TGFA: variants seen among roughly 807,000 people sequenced by gnomAD.
TGFA encodes protransforming growth factor alpha.
A neutral mutation model predicts 21.7 loss-of-function variants in TGFA; 12 were observed. The ratio of observed to expected loss-of-function variants is 0.55; its 90% CI spans 0.35 to 0.90. The LOEUF (loss-of-function observed/expected upper bound fraction) is 0.90, where lower values mean the gene tolerates loss of function less well. TGFA is among the 40% of genes least tolerant of loss of function. TGFA has a pLI of 0.01. For missense variants in TGFA, 178 were observed against 210.8 expected (o/e 0.84, Z 0.96); for synonymous variants, 79 against 88.1 (o/e 0.90, Z 0.58).
chr2:70,520,645 C>T (rs1170358732), intron 1 of TGFA, among the ~76,000 whole-genome samples: 5 of 152,186 alleles, frequency 3.3e-5, no homozygotes, highest in Admixed American at 2.6e-4. Flanking sequence ...GTTCAAGTCA[C>T]GTGGGACAGC....
At chr2:70,451,967 G>A (rs1306328260) in intron 5 of TGFA, among the ~76,000 whole-genome samples, 1 of 152,172 alleles carries the variant, frequency 6.6e-6, no homozygotes, top group African/African-American at 2.4e-5. Flanking sequence ...TGCCGCTCCC[G>A]CACTCTCTGT....
At chr2:70,515,394 G>GCAGC (rs1385796490) in intron 1 of TGFA, among the ~76,000 whole-genome samples, 1 of 152,134 alleles carries the variant, frequency 6.6e-6, no homozygotes, top group Non-Finnish European at 1.5e-5. Flanking sequence ...CAGGTTGAGT[G>GCAGC]CAGCCTCTCA....
intron 2 of TGFA, among the ~76,000 whole-genome samples, chr2:70,504,463 TACACAC>T (rs369622936): frequency 2.5e-3 from 121 of 48,752 alleles, no homozygotes; most frequent in East Asian, 5.5e-3. Flanking sequence ...TATATATATA[TACACAC>T]ATACATACAT....
At chr2:70,513,529 G>A (rs1361739494) in intron 2 of TGFA, among the ~76,000 whole-genome samples, 1 of 152,220 alleles carries the variant, frequency 6.6e-6, no homozygotes, top group African/African-American at 2.4e-5. Context: ...ACGACACAGA[G>A]TGGGACAGGC....
chr2:70,529,132 G>T (rs1210663877), intron 1 of TGFA, among the ~76,000 whole-genome samples: 2 of 152,226 alleles, frequency 1.3e-5, no homozygotes, highest in Admixed American at 1.3e-4. Flanking sequence ...TCAGGTGTGT[G>T]AGGTGGAGGG....
rs1058213 is a variant in TGFA at position 70,450,331 on chromosome 2, G to A, written c.*528C>T. 0.23 allele frequency: 35,678 copies of A among 152,630 alleles called. 4,528 individuals are homozygous for A. The highest frequency in any genetic ancestry group is 0.3 in the East Asian group (1,542 of 5,186). 9.5% of individuals were successfully genotyped at this position (152,630 alleles called of 1,614,324 possible). A position where few individuals can be genotyped will look rare whatever the true frequency, so the allele number is the denominator to read the frequency against. On this transcript the variant is annotated 3_prime_UTR_variant, in exon 6 of 6. Coordinates refer to ENST00000295400, the MANE Select transcript of TGFA (RefSeq NM_003236.4). Reference sequence around the variant, plus strand: ...CATGGAAGATGTTGGGCTGGTTGAGGGTCTCGTGGTTAGAGGATACAGCTT... The same window carrying A: ...CATGGAAGATGTTGGGCTGGTTGAGAGTCTCGTGGTTAGAGGATACAGCTT...
At chr2:70,489,484 G>A (rs1360478815) in intron 2 of TGFA, among the ~76,000 whole-genome samples, 1 of 152,214 alleles carries the variant, frequency 6.6e-6, no homozygotes, top group Non-Finnish European at 1.5e-5. Flanking sequence ...CATTCAAGGC[G>A]GGGGCGCCCC....
intron 1 of TGFA, among the ~76,000 whole-genome samples, chr2:70,546,203 T>C (rs1673296255): frequency 6.6e-6 from 1 of 152,094 alleles, no homozygotes; most frequent in Non-Finnish European, 1.5e-5. Context: ...GCACTATAGA[T>C]TTAATATATG....
chr2:70,459,216 T>A (rs1325421387), intron 3 of TGFA, among the ~76,000 whole-genome samples: 1 of 152,130 alleles, frequency 6.6e-6, no homozygotes, highest in Admixed American at 6.5e-5. Flanking sequence ...ATTTAACACA[T>A]CAATACTGGA....
chr2:70,482,109 TG>T lies in TGFA; in HGVS notation c.95-16374del, dbSNP rs782807175. On this transcript the variant is annotated intron_variant, in intron 2 of 5. Transcript: ENST00000295400. ...AAACCTCTCACCTCAGGGAAAATTC[TG>T]ATTTTTTTTTTTTTTAGTGCCTTTC... Among the ~76,000 whole-genome samples the T allele has an allele frequency of 8.6e-3, 1,022 of 119,200 alleles. 8 individuals are homozygous for T. Among genetic ancestry groups the T allele is most frequent in the Non-Finnish European group, 0.013 (703 of 55,508 alleles). The allele number at this position is 119,200 out of a possible 152,430, so 78.2% of individuals were successfully genotyped here.
intron 1 of TGFA, among the ~76,000 whole-genome samples, chr2:70,522,578 T>C (rs1553502463): frequency 6.6e-6 from 1 of 152,094 alleles, no homozygotes. Flanking sequence ...GGGATACAGG[T>C]GTGTGTCATC....
At chr2:70,508,207 C>T (rs893383442) in intron 2 of TGFA, among the ~76,000 whole-genome samples, 17 of 152,064 alleles carry the variant, frequency 1.1e-4, no homozygotes, top group Non-Finnish European at 2.1e-4. Context: ...CACTTTGGGA[C>T]GCTGAGGCGG....
intron 1 of TGFA, among the ~76,000 whole-genome samples, chr2:70,535,774 T>C (rs1473932947): frequency 6.6e-6 from 1 of 152,260 alleles, no homozygotes; most frequent in Non-Finnish European, 1.5e-5. Context: ...AATAAGGTCG[T>C]ATTACATAGT....
intron 5 of TGFA, among the ~76,000 whole-genome samples, chr2:70,452,542 G>A (rs1670089819): frequency 6.6e-6 from 1 of 152,190 alleles, no homozygotes; most frequent in Non-Finnish European, 1.5e-5. Flanking sequence ...ACTTTCTCAA[G>A]GGAAAGAGAA....
intron 1 of TGFA, among the ~76,000 whole-genome samples, chr2:70,518,294 A>T (rs1418320869): frequency 1.3e-5 from 2 of 152,236 alleles, no homozygotes; most frequent in African/African-American, 4.8e-5. Flanking sequence ...CTTCAAAAAG[A>T]AAAAAGAAAA....
intron 1 of TGFA, among the ~76,000 whole-genome samples, chr2:70,549,961 G>C (rs1574156121): frequency 1.3e-5 from 2 of 152,204 alleles, no homozygotes; most frequent in African/African-American, 4.8e-5. Context: ...CCTAATTATG[G>C]CTGCCCAATA....
At chr2:70,484,242 T>C (rs1671207952) in intron 2 of TGFA, among the ~76,000 whole-genome samples, 1 of 152,250 alleles carries the variant, frequency 6.6e-6, no homozygotes, top group African/African-American at 2.4e-5. Flanking sequence ...AACAAGTATG[T>C]AAAGAATTCT....
intron 3 of TGFA, among the ~76,000 whole-genome samples, chr2:70,464,021 G>A (rs1263188259): frequency 6.6e-6 from 1 of 152,212 alleles, no homozygotes; most frequent in Non-Finnish European, 1.5e-5. Context: ...TGGCCAGTGT[G>A]CCTCTCCTTC....
Position 70,451,635 on chromosome 2 carries a change from G to T in TGFA, c.476-769C>A, listed in dbSNP as rs1249172003. On this transcript the variant is annotated intron_variant, in intron 5 of 5. Transcript: ENST00000295400. The stretch of plus-strand genomic sequence containing the variant: ...ACTCCACCCCAAATGACTCTGTTAG[G>T]TTCAGACAAATGCTACAGAATCTAT... 1.1e-5 allele frequency: 7 copies of T among 639,758 alleles called. No homozygotes were observed. The African/African-American group carries it at 1.1e-4, about 10-fold the overall frequency. The allele number at this position is 639,758 out of a possible 1,614,324, so 39.6% of individuals were successfully genotyped here.
Sources: allele counts gnomAD v4.1 joint callset (sites outside exome capture counted in the v4.1 genomes callset), GRCh38; gene constraint gnomAD v4.1.1; transcripts MANE v1.5; gene names NCBI Gene and HGNC (gene_info 2026-07-23, HGNC 2026-07-21).